The following ZPBP variants were observed in gnomAD, a reference collection of about 807,000 sequenced individuals.
The protein encoded by ZPBP is zona pellucida-binding protein 1.
Under a neutral mutation model 44.8 loss-of-function variants are expected in ZPBP, and 26 were observed. The ratio of observed to expected loss-of-function variants is 0.58; its 90% confidence interval spans 0.43 to 0.81. The LOEUF (loss-of-function observed/expected upper bound fraction) is 0.81. Among genes scored for constraint, ZPBP ranks in the 30% least tolerant of loss-of-function variants. The pLI is 0.00. For synonymous variants in ZPBP, 174 were observed against 153.2 expected, an observed-to-expected ratio of 1.14 and a Z score of -1.00; for missense variants, 409 against 434.0, an observed-to-expected ratio of 0.94 and a Z score of 0.51.
Position 50,031,487 on chromosome 7 carries a change from C to G in ZPBP, c.488-177G>C, listed in dbSNP as rs182458144. Among the ~76,000 whole-genome samples, 4 of 152,236 alleles carry G rather than the reference C, an allele frequency of 2.6e-5. No individual in the cohort carries two copies. The East Asian group carries it at 7.7e-4, about 29-fold the overall frequency. ...TCTTGCAGTTACTAAGTACCAAATA[C>G]TATGATAGACACTTTACAAATAGTG... On this transcript the variant is annotated intron_variant, in intron 4 of 7. Coordinates refer to ENST00000046087, the MANE Select transcript of ZPBP (RefSeq NM_007009.3).
intron 4 of ZPBP, among the ~76,000 whole-genome samples, chr7:50,046,618 T>C (rs1800380299): frequency 6.6e-6 from 1 of 152,186 alleles, no homozygotes; most frequent in South Asian, 2.1e-4. Context: ...CCAGTTAGAA[T>C]GGCAATCCTT....
At position 49,941,184 on chromosome 7, in the gene ZPBP, C is replaced by T. The variant is rs1302567180; in HGVS notation, c.962-3562G>A. On this transcript the variant is annotated intron_variant, in intron 7 of 7. Coordinates refer to ENST00000046087, the MANE Select transcript of ZPBP (RefSeq NM_007009.3). ...ATGATGTGGAGAAATTGAAATCATA[C>T]TTGGTGGAAATGTAAAATGGTGAAG... 9.9e-5 allele frequency among the ~76,000 whole-genome samples: 15 copies of T among 152,236 alleles called. No homozygotes were observed. In the East Asian group the frequency reaches 2.5e-3, roughly 25 times the overall value.
intron 2 of ZPBP, among the ~76,000 whole-genome samples, chr7:49,875,050 A>G (rs1462938774): frequency 1.4e-5 from 2 of 147,808 alleles, no homozygotes; most frequent in Non-Finnish European, 3.0e-5. Flanking sequence ...TGTTTCTGTG[A>G]AAAAAAAAAG....
chr7:49,957,622 C>CT (rs1276105320), intron 7 of ZPBP, among the ~76,000 whole-genome samples: 1 of 152,194 alleles, frequency 6.6e-6, no homozygotes, highest in Non-Finnish European at 1.5e-5. Flanking sequence ...AATGCAAGGG[C>CT]TGTGGAGGCA....
At chr7:50,086,463 G>A (rs1802656171) in intron 2 of ZPBP, among the ~76,000 whole-genome samples, 1 of 151,958 alleles carries the variant, frequency 6.6e-6, no homozygotes, top group African/African-American at 2.4e-5. Flanking sequence ...AGAAAACCAT[G>A]TCTAAATGTA....
chr7:50,013,740 T>C (rs1798687383), intron 6 of ZPBP, among the ~76,000 whole-genome samples: 1 of 152,048 alleles, frequency 6.6e-6, no homozygotes, highest in Admixed American at 6.6e-5. Context: ...AATAGATTAC[T>C]TTCTGGGTTG....
At chr7:49,994,801 A>G (rs914030810) in intron 6 of ZPBP, among the ~76,000 whole-genome samples, 2 of 152,202 alleles carry the variant, frequency 1.3e-5, no homozygotes, top group African/African-American at 2.4e-5. Flanking sequence ...TACATGGCAC[A>G]TAAGCTTGTA....
At chr7:49,874,929 T>C (rs570279889) in intron 2 of ZPBP, among the ~76,000 whole-genome samples, 1 of 152,284 alleles carries the variant, frequency 6.6e-6, no homozygotes, top group African/African-American at 2.4e-5. Flanking sequence ...GGAATTGTAA[T>C]TACCCACATA....
chr7:49,846,337 C>G (rs1448256503), downstream of ZPBP, among the ~76,000 whole-genome samples: 2 of 152,214 alleles, frequency 1.3e-5, no homozygotes, highest in Admixed American at 6.5e-5. Context: ...TCTTTACCTG[C>G]ACTTCTGTGA....
At chr7:49,855,533 G>A (rs1011813980) in intron 2 of ZPBP, among the ~76,000 whole-genome samples, 4 of 152,200 alleles carry the variant, frequency 2.6e-5, no homozygotes, top group Non-Finnish European at 4.4e-5. Context: ...AAGGCTCAGC[G>A]AGGACAGGTT....
intron 2 of ZPBP, among the ~76,000 whole-genome samples, chr7:49,874,546 A>ATG (rs1216689956): frequency 8.8e-5 from 7 of 79,970 alleles, no homozygotes; most frequent in African/African-American, 3.0e-4. Flanking sequence ...GCATGACTAT[A>ATG]TATGTGTGTG....
At chr7:49,993,152 T>G (rs1016390252) in intron 6 of ZPBP, among the ~76,000 whole-genome samples, 21 of 151,592 alleles carry the variant, frequency 1.4e-4, no homozygotes, top group African/African-American at 4.8e-4. Flanking sequence ...AAAAATAAGG[T>G]AAAAAAAGTT....
chr7:49,871,936 C>T (rs1791171242), intron 2 of ZPBP, among the ~76,000 whole-genome samples: 1 of 133,954 alleles, frequency 7.5e-6, no homozygotes, highest in Non-Finnish European at 1.6e-5. Context: ...CACACACACA[C>T]ACACACACAC....
chr7:49,859,653 T>C (rs2128719691), intron 2 of ZPBP, among the ~76,000 whole-genome samples: 1 of 152,386 alleles, frequency 6.6e-6, no homozygotes, highest in African/African-American at 2.4e-5. Context: ...AATACTGTGC[T>C]CTCTAAAGTG....
At chr7:49,973,478 C>T (rs572123728) in intron 7 of ZPBP, among the ~76,000 whole-genome samples, 1 of 152,008 alleles carries the variant, frequency 6.6e-6, no homozygotes, top group Admixed American at 6.6e-5. Context: ...ATATAAAGAA[C>T]TCCTAAAACT....
chr7:49,861,123 T>C (rs1374058914), intron 2 of ZPBP, among the ~76,000 whole-genome samples: 1 of 152,240 alleles, frequency 6.6e-6, no homozygotes. Context: ...AGGGTTTCAA[T>C]TTACAAGCAT....
chr7:50,051,843 C>G (rs1800715340), intron 4 of ZPBP, among the ~76,000 whole-genome samples: 1 of 152,030 alleles, frequency 6.6e-6, no homozygotes, highest in East Asian at 1.9e-4. Flanking sequence ...GGAAAAATAG[C>G]TAATACATGC....
chr7:50,032,751 C>A (rs1208207976), intron 4 of ZPBP, among the ~76,000 whole-genome samples: 1 of 152,290 alleles, frequency 6.6e-6, no homozygotes, highest in East Asian at 1.9e-4. Context: ...GGCAAAAGTG[C>A]CTACAGAACT....
In ZPBP at chr7:49,920,563, G is replaced by A. The variant is rs139324162; in HGVS notation, n.411+15188C>T. The stretch of plus-strand genomic sequence containing the variant: ...CGGAAAGCTGGACCTAAGCAGTGAA[G>A]GATGTAAGGGAACAGAGAGAGACTC... On this transcript the variant is annotated intron_variant and non_coding_transcript_variant, in intron 1 of 2. Coordinates refer to the ZPBP transcript ENST00000465922. 268 of 152,308 alleles carry A rather than the reference G, an allele frequency of 1.8e-3. 3 individuals are homozygous for A. The highest frequency in any genetic ancestry group is 6.0e-3 in the African/African-American group (250 of 41,572). The allele number at this position is 152,308 out of a possible 1,614,324, so 9.4% of individuals were successfully genotyped here. A position where few individuals can be genotyped will look rare whatever the true frequency, so the allele number is the denominator to read the frequency against.
Sources: gnomAD v4.1 joint callset for allele counts (sites outside exome capture counted in the v4.1 genomes callset) on GRCh38, gnomAD v4.1.1 for gene constraint, MANE v1.5 for transcripts, NCBI Gene and HGNC (gene_info 2026-07-23, HGNC 2026-07-21) for gene names.